DPF3: variants seen among roughly 807,000 people sequenced by gnomAD.
DPF3 encodes zinc finger protein DPF3.
In DPF3, 18 loss-of-function variants were observed where a neutral mutation model predicts 56.8. The ratio of observed to expected loss-of-function variants is 0.32; its 90% CI spans 0.22 to 0.47. DPF3 has a LOEUF of 0.47. Ranked by LOEUF, DPF3 falls within the 20% of genes least tolerant of loss-of-function variation. The probability of loss-of-function intolerance (pLI) is 1.00; values close to 1 mark genes in which losing one functional copy is unlikely to be tolerated. For missense variants in DPF3, 403 were observed against 488.8 expected, an observed-to-expected ratio of 0.82 and a Z score of 1.65; for synonymous variants, 188 against 180.2, an observed-to-expected ratio of 1.04 and a Z score of -0.35.
At position 72,614,777 on chromosome 14, in the gene DPF3, G is replaced by A. The variant is rs867536343; in HGVS notation, c.*4520C>T. Among the ~76,000 whole-genome samples, 39 of 96,050 alleles carry A rather than the reference G, an allele frequency of 4.1e-4. 1 individual carries two copies. The highest frequency in any genetic ancestry group is 7.5e-4 in the African/African-American group (16 of 21,428). The allele number at this position is 96,050 out of a possible 152,430, so 63.0% of individuals were successfully genotyped here. A position where few individuals can be genotyped will look rare whatever the true frequency, so the allele number is the denominator to read the frequency against. Reference sequence around the variant, plus strand: ...CTGTTGCCCAGGATCACAAGCCTCAGAAAAAAAAAAAAGAGTTACAATCAC... The same window carrying A: ...CTGTTGCCCAGGATCACAAGCCTCAAAAAAAAAAAAAAGAGTTACAATCAC... On this transcript the variant is annotated 3_prime_UTR_variant, in exon 11 of 11. Coordinates refer to ENST00000556509, the MANE Select transcript of DPF3 (RefSeq NM_001280542.3).
intron 1 of DPF3, among the ~76,000 whole-genome samples, chr14:72,822,006 T>C (rs995488743): frequency 9.9e-5 from 15 of 151,736 alleles, no homozygotes; most frequent in Non-Finnish European, 1.5e-4. Context: ...GATCTTGTAT[T>C]GAAAAAAAGA....
chr14:72,641,230 GAGA>G (rs1377627917), intron 8 of DPF3, among the ~76,000 whole-genome samples: 2 of 152,210 alleles, frequency 1.3e-5, no homozygotes, highest in Non-Finnish European at 2.9e-5. Context: ...GCAGCGCAGA[GAGA>G]AGAACTCATA....
intron 7 of DPF3, among the ~76,000 whole-genome samples, chr14:72,685,672 G>T (rs1342514338): frequency 6.6e-6 from 1 of 152,188 alleles, no homozygotes; most frequent in African/African-American, 2.4e-5. Context: ...CACCTGCCTT[G>T]CAGGGTTATT....
Position 72,883,726 on chromosome 14 carries a change from G to A in DPF3, c.32+10331C>T, listed in dbSNP as rs764742152. Among the ~76,000 whole-genome samples the A allele has an allele frequency of 5.9e-5, 9 of 151,788 alleles. 2 individuals are homozygous for A. Among genetic ancestry groups the A allele is most frequent in the South Asian group, 4.2e-4 (2 of 4,802 alleles). ...GCAGATCACTTGAGGTCAGGAGATCGAGACCAGCCTGGCCAACATGATAAA... is the reference window on the plus strand; with the variant it reads ...GCAGATCACTTGAGGTCAGGAGATCAAGACCAGCCTGGCCAACATGATAAA... On this transcript the variant is annotated intron_variant, in intron 1 of 10. Transcript: ENST00000556509.
chr14:72,722,372 A>G (rs1017986236), intron 5 of DPF3, among the ~76,000 whole-genome samples: 1 of 152,206 alleles, frequency 6.6e-6, no homozygotes, highest in Non-Finnish European at 1.5e-5. Context: ...GGAGCATCTC[A>G]GCTCAGTGTG....
intron 1 of DPF3, among the ~76,000 whole-genome samples, chr14:72,846,078 G>GTTTATTTTATTTTAT (rs58779335): frequency 0.048 from 6,481 of 133,648 alleles, 221 homozygotes; most frequent in African/African-American, 0.065. Context: ...TTATTTTACT[G>GTTTATTTTATTTTAT]TTTATTTTAT....
chr14:72,751,682 C>T (rs1344234114), intron 3 of DPF3, among the ~76,000 whole-genome samples: 3 of 151,922 alleles, frequency 2.0e-5, no homozygotes, highest in Admixed American at 1.3e-4. Context: ...GATTTTATAT[C>T]GATGACATGC....
chr14:72,781,114 T>C (rs183164543), intron 1 of DPF3, among the ~76,000 whole-genome samples: 385 of 152,350 alleles, frequency 2.5e-3, no homozygotes, highest in Non-Finnish European at 4.5e-3. Flanking sequence ...TCAGCCACCA[T>C]GTTTGAATGG....
chr14:72,786,368 C>G (rs186303525), intron 1 of DPF3, among the ~76,000 whole-genome samples: 355 of 152,298 alleles, frequency 2.3e-3, no homozygotes, highest in Non-Finnish European at 3.5e-3. Context: ...ACTCCTAGTT[C>G]AGGGATTCCT....
chr14:72,831,469 C>A (rs1311256453), intron 1 of DPF3, among the ~76,000 whole-genome samples: 2 of 152,230 alleles, frequency 1.3e-5, no homozygotes, highest in Admixed American at 6.5e-5. Flanking sequence ...TATCTTCTGA[C>A]AATCTCCCAA....
intron 1 of DPF3, among the ~76,000 whole-genome samples, chr14:72,773,613 A>C (rs1439256430): frequency 6.6e-6 from 1 of 152,166 alleles, no homozygotes; most frequent in East Asian, 1.9e-4. Context: ...ATTAAACAAT[A>C]ACTCCCCGTT....
intron 1 of DPF3, among the ~76,000 whole-genome samples, chr14:72,813,305 C>T (rs2140021454): frequency 6.6e-6 from 1 of 152,146 alleles, no homozygotes; most frequent in South Asian, 2.1e-4. Flanking sequence ...GGTGAGGGGA[C>T]ATGGTGTCAT....
intron 1 of DPF3, chr14:72,836,254 T>C (rs1884289495): frequency 1.0e-6 from 1 of 985,532 alleles, no homozygotes; most frequent in Non-Finnish European, 1.2e-6. Context: ...TCTCCAGTGA[T>C]ATGCTTCCCT....
chr14:72,817,410 A>T (rs780640834), intron 1 of DPF3, among the ~76,000 whole-genome samples: 1 of 152,184 alleles, frequency 6.6e-6, no homozygotes, highest in Non-Finnish European at 1.5e-5. Flanking sequence ...TAATCCCAGC[A>T]CTTTAAGAGG....
At chr14:72,711,845 C>T (rs148336715) in intron 6 of DPF3, among the ~76,000 whole-genome samples, 11 of 151,978 alleles carry the variant, frequency 7.2e-5, no homozygotes, top group South Asian at 2.1e-4. Flanking sequence ...TCCCTAGGGA[C>T]GCTCGAGGAG....
rs757041206 is a variant in DPF3 at position 72,771,723 on chromosome 14, C to T, written c.193+10G>A. ...GCACATGCGCATGTCCCAGGAGTGG[C>T]GCAGCTCACCTGGGCCTCGGTGCCT... On this transcript the variant is annotated intron_variant, in intron 2 of 10. Transcript: ENST00000556509. 1.1e-5 allele frequency: 17 copies of T among 1,607,598 alleles called. No homozygotes were observed. Among genetic ancestry groups the T allele is most frequent in the Admixed American group, 8.4e-5 (5 of 59,626 alleles).
intron 4 of DPF3, among the ~76,000 whole-genome samples, chr14:72,727,804 C>A (rs1015022429): frequency 2.0e-5 from 3 of 152,158 alleles, no homozygotes; most frequent in Admixed American, 2.0e-4. Flanking sequence ...CCTCATGAAA[C>A]TTTGGTCAAA....
chr14:72,892,786 AG>A, intron 1 of DPF3: 2 of 769,116 alleles, frequency 2.6e-6, no homozygotes, highest in Non-Finnish European at 3.2e-6. Context: ...TCCCGGTCGA[AG>A]GGGTGAGGAC....
chr14:72,818,399 G>A (rs144154582), intron 1 of DPF3, among the ~76,000 whole-genome samples: 36 of 152,250 alleles, frequency 2.4e-4, no homozygotes, highest in African/African-American at 7.5e-4. Context: ...ACATTGTTAT[G>A]CTGGGTGTGG....
Sources: gnomAD v4.1 joint callset for allele counts (sites outside exome capture counted in the v4.1 genomes callset) on GRCh38, gnomAD v4.1.1 for gene constraint, MANE v1.5 for transcripts, NCBI Gene and HGNC (gene_info 2026-07-23, HGNC 2026-07-21) for gene names.